Variants in ABHD18 observed in about 807,000 individuals in gnomAD.
ABHD18 encodes abhydrolase domain containing 18, also known as cardiolipin-specific deacylase, mitochondrial.
Under a neutral mutation model 65.9 loss-of-function variants are expected in ABHD18, and 55 were observed. The observed-to-expected ratio is 0.84, with a 90% CI of 0.67 to 1.05. The LOEUF is 1.05. Ranked by LOEUF, ABHD18 falls within the 50% of genes least tolerant of loss-of-function variation. The probability of loss-of-function intolerance (pLI) is 0.00; values close to 1 mark genes in which losing one functional copy is unlikely to be tolerated. For synonymous variants in ABHD18, 181 were observed against 180.2 expected (o/e 1.00, Z -0.04); for missense variants, 533 against 558.5 (o/e 0.95, Z 0.46).
At position 127,984,793 on chromosome 4, in the gene ABHD18, G is replaced by C. The variant is rs147208022; in HGVS notation, c.177+370G>C. ...GAGAATCACTTGAACCCCGGAGGCG[G>C]AGGTTGCAGTGAGCCAAGATCACGC... On this transcript the variant is annotated intron_variant, in intron 3 of 12. Coordinates refer to ENST00000645843, the MANE Select transcript of ABHD18 (RefSeq NM_001358451.3). Among the ~76,000 whole-genome samples the C allele has an allele frequency of 4.7e-3, 722 of 152,302 alleles. 6 individuals carry two copies. The highest frequency in any genetic ancestry group is 0.016 in the African/African-American group (678 of 41,556).
chr4:127,984,003 C>T (rs1749522685), intron 2 of ABHD18, among the ~76,000 whole-genome samples: 1 of 151,780 alleles, frequency 6.6e-6, no homozygotes, highest in African/African-American at 2.4e-5. Flanking sequence ...TGCGCCACTG[C>T]ACTCGCCTGG....
chr4:128,033,259 A>G (rs1758463619), intron 12 of ABHD18, among the ~76,000 whole-genome samples: 1 of 152,090 alleles, frequency 6.6e-6, no homozygotes, highest in Non-Finnish European at 1.5e-5. Flanking sequence ...GTCTCAAAAA[A>G]AAAATTATCC....
rs1396308231 is a variant in ABHD18 at position 128,028,495 on chromosome 4, A to G, written c.822A>G (p.Gly274=). 1.3e-5 allele frequency: 21 copies of G among 1,573,696 alleles called. No individual in the cohort carries two copies. In the East Asian group the frequency reaches 4.5e-4, roughly 34 times the overall value. Residue 274 remains glycine, a synonymous_variant, in exon 11 of 13, where the codon GGA becomes GGG. Transcript: ENST00000645843. The part of the protein sequence containing the change: ...EYCGTDSFKM[G]QEFVKHFTSS... ...TTCAGACAGATTCTTTCAAAATGGGACAAGAGTTTGTGAAACACTTCACTA... is the reference window on the plus strand; with the variant it reads ...TTCAGACAGATTCTTTCAAAATGGGGCAAGAGTTTGTGAAACACTTCACTA...
At chr4:128,026,777 T>A (rs956166998) in intron 10 of ABHD18, among the ~76,000 whole-genome samples, 1 of 151,794 alleles carries the variant, frequency 6.6e-6, no homozygotes, top group Non-Finnish European at 1.5e-5. Context: ...TTTTACTATA[T>A]CTTTTCTTTT....
At chr4:127,980,643 G>A (rs1200967392) in intron 1 of ABHD18, among the ~76,000 whole-genome samples, 1 of 151,796 alleles carries the variant, frequency 6.6e-6, no homozygotes, top group Non-Finnish European at 1.5e-5. Context: ...GGACGACATG[G>A]TGAAACCCCG....
chr4:128,027,417 T>A (rs1367183862), intron 10 of ABHD18, among the ~76,000 whole-genome samples: 1 of 152,070 alleles, frequency 6.6e-6, no homozygotes, highest in Non-Finnish European at 1.5e-5. Flanking sequence ...TTTTTCTTTT[T>A]TTTTTTGAGA....
At chr4:127,991,766 A>G (rs528917971) in intron 4 of ABHD18, among the ~76,000 whole-genome samples, 1 of 152,258 alleles carries the variant, frequency 6.6e-6, no homozygotes, top group Admixed American at 6.5e-5. Flanking sequence ...CATTTGAAAA[A>G]TTCTTCAGTC....
At chr4:128,017,588 G>T (rs554429024) in intron 8 of ABHD18, 87 bp downstream of exon 8, 2 of 1,223,456 alleles carry the variant, frequency 1.6e-6, no homozygotes, top group Non-Finnish European at 2.2e-6. Flanking sequence ...TTCACTTTAG[G>T]TATAGAATTA....
intron 7 of ABHD18, 31 bp downstream of exon 7, chr4:128,011,731 C>G (rs1231903516): frequency 1.3e-6 from 2 of 1,499,074 alleles, no homozygotes; most frequent in South Asian, 2.6e-5. Flanking sequence ...TTTTTGCAGT[C>G]TTTTTACCCA....
At chr4:128,002,000 C>T (rs1201584463) in intron 4 of ABHD18, among the ~76,000 whole-genome samples, 1 of 152,068 alleles carries the variant, frequency 6.6e-6, no homozygotes, top group Non-Finnish European at 1.5e-5. Context: ...TGGAGCCAGG[C>T]ATGGTGGCTC....
intron 12 of ABHD18, among the ~76,000 whole-genome samples, chr4:128,035,100 A>C (rs1758732263): frequency 6.6e-6 from 1 of 152,168 alleles, no homozygotes; most frequent in African/African-American, 2.4e-5. Context: ...TTACATTCTG[A>C]AAAGTTACAT....
intron 4 of ABHD18, among the ~76,000 whole-genome samples, chr4:127,996,803 T>G (rs1751812124): frequency 6.6e-6 from 1 of 152,324 alleles, no homozygotes; most frequent in African/African-American, 2.4e-5. Flanking sequence ...GGGAAAAGAA[T>G]TCAGCGATAT....
chr4:127,986,036 A>G (rs1400562761), intron 3 of ABHD18, among the ~76,000 whole-genome samples: 1 of 152,122 alleles, frequency 6.6e-6, no homozygotes. Flanking sequence ...ATTGAGATAA[A>G]ATTCACCCTT....
At chr4:127,977,777 T>G (rs1748239205) in intron 1 of ABHD18, among the ~76,000 whole-genome samples, 1 of 152,206 alleles carries the variant, frequency 6.6e-6, no homozygotes, top group Non-Finnish European at 1.5e-5. Context: ...GAATAAATTT[T>G]TTTTTTATGA....
intron 4 of ABHD18, among the ~76,000 whole-genome samples, chr4:127,993,518 C>CT (rs113430148): frequency 0.08 from 12,185 of 151,932 alleles, 973 homozygotes; most frequent in East Asian, 0.27. Flanking sequence ...TCCTTTCCCC[C>CT]GTCATTCTTG....
intron 11 of ABHD18, among the ~76,000 whole-genome samples, chr4:128,029,548 G>T (rs1757912141): frequency 6.6e-6 from 1 of 152,096 alleles, no homozygotes; most frequent in Non-Finnish European, 1.5e-5. Flanking sequence ...GGGTGGCCGG[G>T]CCCAGTGGAT....
At chr4:128,012,864 G>A (rs1322051239) in intron 7 of ABHD18, among the ~76,000 whole-genome samples, 3 of 151,864 alleles carry the variant, frequency 2.0e-5, no homozygotes, top group East Asian at 1.9e-4. Context: ...TCAGTAGTTC[G>A]AGACCAGCCT....
intron 4 of ABHD18, among the ~76,000 whole-genome samples, chr4:127,999,644 T>C (rs559511675): frequency 7.9e-5 from 12 of 152,322 alleles, no homozygotes; most frequent in South Asian, 2.1e-4. Flanking sequence ...GGTTATTTGG[T>C]TTTTGTTAAA....
At chr4:127,983,388 A>G (rs1231041258) in intron 2 of ABHD18, among the ~76,000 whole-genome samples, 5 of 152,176 alleles carry the variant, frequency 3.3e-5, no homozygotes, top group Non-Finnish European at 5.9e-5. Flanking sequence ...CGAATTTGTA[A>G]TGACTCTGAA....
Sources: allele counts gnomAD v4.1 joint callset (sites outside exome capture counted in the v4.1 genomes callset), GRCh38; gene constraint gnomAD v4.1.1; transcripts MANE v1.5; gene names NCBI Gene and HGNC (gene_info 2026-07-23, HGNC 2026-07-21).